The following ARL5A variants were observed in gnomAD, a reference collection of about 807,000 sequenced individuals.
ARL5A encodes ADP-ribosylation factor-like protein 5A.
ARL5A carries 18 observed loss-of-function variants against 25.9 expected under a neutral mutation model. The observed-to-expected ratio is 0.69, with a 90% CI of 0.48 to 1.03. ARL5A has a LOEUF of 1.03. Ranked by LOEUF, ARL5A falls within the 50% of genes least tolerant of loss-of-function variation. The pLI is 0.00. For synonymous variants in ARL5A, 61 were observed against 67.5 expected (o/e 0.90, Z 0.47); for missense variants, 170 against 211.9 (o/e 0.80, Z 1.23).
At chr2:151,817,599 T>A (rs990248552) in intron 1 of ARL5A, among the ~76,000 whole-genome samples, 3 of 152,232 alleles carry the variant, frequency 2.0e-5, no homozygotes, top group Admixed American at 2.0e-4. Flanking sequence ...ATCCATTTTA[T>A]CCAGTCATCT....
rs551272122 is a variant in ARL5A, at chr2:151,801,567, A to G, written c.*1709T>C. 1 of 152,274 alleles carries G rather than the reference A, an allele frequency of 6.6e-6. No individual in the cohort carries two copies. Among genetic ancestry groups the G allele is most frequent in the East Asian group, 1.9e-4 (1 of 5,188 alleles). 9.4% of individuals were successfully genotyped at this position (152,274 alleles called of 1,614,324 possible). The stretch of plus-strand genomic sequence containing the variant: ...TACTTTTGTAAAACCATGTGGACAA[A>G]TATTAAATGTTATGCTTGCATTTTG... On this transcript the variant is annotated 3_prime_UTR_variant, in exon 6 of 6. Coordinates refer to ENST00000295087, the MANE Select transcript of ARL5A (RefSeq NM_012097.4).
At chr2:151,819,022 A>G (rs767576042) in intron 1 of ARL5A, among the ~76,000 whole-genome samples, 1 of 152,234 alleles carries the variant, frequency 6.6e-6, no homozygotes, top group African/African-American at 2.4e-5. Flanking sequence ...ACTCTGACCA[A>G]TGAAATACCA....
intron 5 of ARL5A, 92 bp downstream of exon 5, chr2:151,806,729 C>T: frequency 7.6e-7 from 1 of 1,319,560 alleles, no homozygotes; most frequent in South Asian, 1.5e-5. Flanking sequence ...GTTTTATACA[C>T]AATAGCCTTA....
chr2:151,805,182 T>C (rs1417655199), intron 5 of ARL5A, among the ~76,000 whole-genome samples: 1 of 151,796 alleles, frequency 6.6e-6, no homozygotes, highest in African/African-American at 2.4e-5. Context: ...AATGAATACA[T>C]GGATAATTGG....
At chr2:151,812,308 G>A (rs755312411) in intron 4 of ARL5A, 49 bp downstream of exon 4, 8 of 1,298,520 alleles carry the variant, frequency 6.2e-6, no homozygotes, top group South Asian at 2.7e-5. Context: ...ACAAAGTATC[G>A]ATTCCCATAC....
intron 4 of ARL5A, chr2:151,810,591 T>C (rs1438077869): frequency 2.3e-6 from 1 of 437,482 alleles, no homozygotes; most frequent in South Asian, 1.6e-5. Context: ...ATGAGAATAC[T>C]CAAGTTCAAA....
chr2:151,805,809 T>C (rs2099830025), intron 5 of ARL5A, among the ~76,000 whole-genome samples: 1 of 152,194 alleles, frequency 6.6e-6, no homozygotes, highest in African/African-American at 2.4e-5. Flanking sequence ...GGTCTATCAC[T>C]GACCAAAACA....
rs772625387 is a variant in ARL5A at position 151,814,256 on chromosome 2, C to A, written c.168G>T (p.Val56=). 5 of 1,604,556 alleles carry A rather than the reference C, an allele frequency of 3.1e-6. No homozygotes were observed. Among genetic ancestry groups the A allele is most frequent in the Non-Finnish European group, 4.3e-6 (5 of 1,176,328 alleles). ...ACATTAGGAAACGTGTATTATTAATCACTATCTCTTCTACATTACTTCCTA... is the reference window on the plus strand; with the variant it reads ...ACATTAGGAAACGTGTATTATTAATAACTATCTCTTCTACATTACTTCCTA... ...PTIGSNVEEI[V]INNTRFLMWD... The change falls in exon 3 of 6, where the codon GTG becomes GTT. Residue 56 remains valine (V), a synonymous_variant. Transcript: ENST00000295087.
intron 1 of ARL5A, among the ~76,000 whole-genome samples, chr2:151,816,018 C>T (rs943066996): frequency 6.6e-6 from 1 of 152,128 alleles, no homozygotes. Flanking sequence ...CTTACGTAGC[C>T]GCCTCCTCTT....
At chr2:151,825,291 G>C (rs2099832900) in intron 1 of ARL5A, among the ~76,000 whole-genome samples, 1 of 152,106 alleles carries the variant, frequency 6.6e-6, no homozygotes, top group African/African-American at 2.4e-5. Context: ...AAAGTTAATG[G>C]GGGGAGGAGG....
chr2:151,802,096 T>C lies in ARL5A; in HGVS notation c.*1180A>G, dbSNP rs1415609730. The C allele has an allele frequency of 2.0e-5, 3 of 152,244 alleles. No individual in the cohort carries two copies. Among genetic ancestry groups the C allele is most frequent in the African/African-American group, 7.2e-5 (3 of 41,586 alleles). 9.4% of individuals were successfully genotyped at this position (152,244 alleles called of 1,614,324 possible). A position where few individuals can be genotyped will look rare whatever the true frequency, so the allele number is the denominator to read the frequency against. On this transcript the variant is annotated 3_prime_UTR_variant, in exon 6 of 6. Coordinates refer to ENST00000295087, the MANE Select transcript of ARL5A (RefSeq NM_012097.4). Reference sequence around the variant, plus strand: ...TATAATTGTCAATGCATTTATGTAATAGAAGATACAACAAAATTTAGAAAT... The same window carrying C: ...TATAATTGTCAATGCATTTATGTAACAGAAGATACAACAAAATTTAGAAAT...
chr2:151,818,421 G>A (rs998899999), intron 1 of ARL5A, among the ~76,000 whole-genome samples: 2 of 152,188 alleles, frequency 1.3e-5, no homozygotes, highest in Admixed American at 6.5e-5. Flanking sequence ...TGAGACCACA[G>A]GTGTGCACCA....
intron 4 of ARL5A, chr2:151,810,495 TG>T: frequency 2.5e-6 from 1 of 400,552 alleles, no homozygotes; most frequent in East Asian, 8.6e-5. Context: ...CTTTCTTCTC[TG>T]GTCATCTCCT....
chr2:151,822,290 C>A (rs1420057153), intron 1 of ARL5A, among the ~76,000 whole-genome samples: 1 of 152,224 alleles, frequency 6.6e-6, no homozygotes, highest in Non-Finnish European at 1.5e-5. Context: ...GGATTACAGG[C>A]ATGAGCCACT....
chr2:151,798,953 A>C lies in ARL5A; in HGVS notation c.*4323T>G, dbSNP rs1261428321. On this transcript the variant is annotated 3_prime_UTR_variant, in exon 6 of 6. Transcript: ENST00000295087. ...AGATTTAAACTTTAGTTTTCAGAAC[A>C]ATACACAAGGGCTAGACATTGATAA... 6.6e-6 allele frequency: 1 copy of C among 152,182 alleles called. No homozygotes were observed. Among genetic ancestry groups the C allele is most frequent in the African/African-American group, 2.4e-5 (1 of 41,460 alleles). The allele number at this position is 152,182 out of a possible 1,614,324, so 9.4% of individuals were successfully genotyped here. A position where few individuals can be genotyped will look rare whatever the true frequency, so the allele number is the denominator to read the frequency against.
At position 151,827,961 on chromosome 2, in the gene ARL5A, T is replaced by A. The variant is rs529211848; in HGVS notation, c.46+170A>T. ...TGCGAGTCAGGAACCATCCCCAAGC[T>A]CGGGAGCCGGGACCGAACCGTCCCG... On this transcript the variant is annotated intron_variant, in intron 1 of 5. Transcript: ENST00000295087. 6.7e-5 allele frequency: 43 copies of A among 637,214 alleles called. No homozygotes were observed. The East Asian group carries it at 1.4e-3, about 21-fold the overall frequency. 39.5% of individuals were successfully genotyped at this position (637,214 alleles called of 1,614,324 possible).
chr2:151,825,641 C>T (rs1181211732), intron 1 of ARL5A, among the ~76,000 whole-genome samples: 2 of 152,154 alleles, frequency 1.3e-5, no homozygotes, highest in Non-Finnish European at 1.5e-5. Flanking sequence ...AAGCTGTTCT[C>T]GAGGGGTTTC....
intron 1 of ARL5A, among the ~76,000 whole-genome samples, chr2:151,822,580 G>A (rs2099832492): frequency 6.6e-6 from 1 of 152,184 alleles, no homozygotes; most frequent in African/African-American, 2.4e-5. Context: ...GTGCTATAAT[G>A]CACTTCGAAA....
intron 3 of ARL5A, 84 bp from the exon 4 acceptor site, chr2:151,812,524 T>C: frequency 1.2e-6 from 1 of 823,354 alleles, no homozygotes; most frequent in African/African-American, 1.8e-5. Context: ...ACATACAGGC[T>C]ATTAATATCA....
Sources: allele counts gnomAD v4.1 joint callset (sites outside exome capture counted in the v4.1 genomes callset), GRCh38; gene constraint gnomAD v4.1.1; transcripts MANE v1.5; gene names NCBI Gene and HGNC (gene_info 2026-07-23, HGNC 2026-07-21).